Variants in TPTE observed in about 807,000 individuals in gnomAD.
TPTE encodes putative tyrosine-protein phosphatase TPTE.
A neutral mutation model predicts 84.1 loss-of-function variants in TPTE; 59 were observed. The ratio of observed to expected loss-of-function variants is 0.70; its 90% confidence interval spans 0.57 to 0.87. TPTE has a LOEUF of 0.87. Ranked by LOEUF, TPTE falls within the 40% of genes least tolerant of loss-of-function variation. The pLI, the probability that TPTE is intolerant of heterozygous loss-of-function variation, is 0.00. For synonymous variants in TPTE, 130 were observed against 223.5 expected (o/e 0.58, Z 3.73); for missense variants, 382 against 659.6 (o/e 0.58, Z 4.61).
chr21:10,558,500 G>C (rs1444248019), intron 8 of TPTE, among the ~76,000 whole-genome samples: 1 of 152,420 alleles, frequency 6.6e-6, no homozygotes, highest in African/African-American at 2.4e-5. Context: ...TCTCTAATCT[G>C]TGATATTGAG....
At chr21:10,546,317 T>G (rs7282060) in intron 7 of TPTE, among the ~76,000 whole-genome samples, 558 of 152,174 alleles carry the variant, frequency 3.7e-3, no homozygotes, top group African/African-American at 0.013. Flanking sequence ...ATGACATGTT[T>G]GTTGTGACTG....
At chr21:10,599,230 A>C (rs1383693327) in intron 21 of TPTE, among the ~76,000 whole-genome samples, 2 of 152,306 alleles carry the variant, frequency 1.3e-5, no homozygotes, top group Non-Finnish European at 2.9e-5. Context: ...ATCTCTGTTG[A>C]TTATGCCTTT....
intron 14 of TPTE, among the ~76,000 whole-genome samples, chr21:10,573,317 C>T (rs1454102157): frequency 6.6e-6 from 1 of 152,428 alleles, no homozygotes; most frequent in Non-Finnish European, 1.5e-5. Flanking sequence ...TATGTATGTA[C>T]CCTACACTAG....
chr21:10,541,059 CA>C (rs1445973704), intron 4 of TPTE, 52 bp from the exon 5 acceptor site: 1 of 1,609,516 alleles, frequency 6.2e-7, no homozygotes, highest in African/African-American at 1.3e-5. Context: ...CTATTTGTTG[CA>C]AAACATTAGA....
intron 10 of TPTE, among the ~76,000 whole-genome samples, chr21:10,566,643 G>A (rs11184130): frequency 0.014 from 2,195 of 151,472 alleles, no homozygotes; most frequent in Non-Finnish European, 0.02. Flanking sequence ...AGAAAATATA[G>A]TACATATACA....
chr21:10,545,674 T>C (rs1377269568), intron 7 of TPTE, among the ~76,000 whole-genome samples: 1 of 152,208 alleles, frequency 6.6e-6, no homozygotes, highest in Non-Finnish European at 1.5e-5. Flanking sequence ...TGTATATGTG[T>C]GTGTGTGTAT....
rs2074403850 is a variant in TPTE at position 10,543,273 on chromosome 21, C to T, written c.120-56C>T. 3 of 1,539,228 alleles carry T rather than the reference C, an allele frequency of 1.9e-6. No individual in the cohort carries two copies. In the Admixed American group the frequency reaches 5.3e-5, roughly 27 times the overall value. ...GGTCTCAATCTCCTGACCTCATGATCCACCCGCCTCGGCCTCCCAAAGTGC... is the reference window on the plus strand; with the variant it reads ...GGTCTCAATCTCCTGACCTCATGATTCACCCGCCTCGGCCTCCCAAAGTGC... On this transcript the variant is annotated intron_variant, in intron 6 of 23. Transcript: ENST00000618007.
At chr21:10,528,497 A>G (rs1217071783) in intron 3 of TPTE, among the ~76,000 whole-genome samples, 1 of 152,308 alleles carries the variant, frequency 6.6e-6, no homozygotes, top group South Asian at 2.1e-4. Context: ...TTGTTGTTCA[A>G]ATAAGTTGGT....
chr21:10,537,807 A>C (rs1347314380), intron 3 of TPTE, among the ~76,000 whole-genome samples: 1 of 152,310 alleles, frequency 6.6e-6, no homozygotes, highest in Non-Finnish European at 1.5e-5. Context: ...CAAGGCATGC[A>C]CCCACAGGTA....
chr21:10,567,580 T>A, intron 10 of TPTE, 90 bp from the exon 11 acceptor site: 1 of 1,560,648 alleles, frequency 6.4e-7, no homozygotes, highest in Non-Finnish European at 8.6e-7. Flanking sequence ...GAATTCTTAA[T>A]GGGGATGAGT....
intron 8 of TPTE, among the ~76,000 whole-genome samples, chr21:10,557,174 G>A (rs1444046866): frequency 1.3e-5 from 2 of 152,306 alleles, no homozygotes; most frequent in Admixed American, 6.5e-5. Flanking sequence ...TTTAGGAAAG[G>A]TACATGGAGG....
chr21:10,565,203 A>G (rs1310709829), intron 10 of TPTE, among the ~76,000 whole-genome samples: 2 of 152,306 alleles, frequency 1.3e-5, no homozygotes, highest in African/African-American at 2.4e-5. Context: ...GCATTTCTAT[A>G]TGTCAACAGT....
chr21:10,598,267 A>G (rs1441681667), intron 21 of TPTE, among the ~76,000 whole-genome samples, 173 bp downstream of exon 21: 1 of 152,308 alleles, frequency 6.6e-6, no homozygotes, highest in Non-Finnish European at 1.5e-5. Context: ...GAGATAAATT[A>G]ACCTGTTTGT....
Position 10,529,730 on chromosome 21 carries a change from G to T in TPTE, c.-44+2318G>T, listed in dbSNP as rs548844790. ...TTGAGAGGTATTGCCAGATTTATTCGCTGACAAGTAAATATTATTCAGTTT... is the reference window on the plus strand; with the variant it reads ...TTGAGAGGTATTGCCAGATTTATTCTCTGACAAGTAAATATTATTCAGTTT... On this transcript the variant is annotated intron_variant, in intron 3 of 23. Coordinates refer to ENST00000618007, the MANE Select transcript of TPTE (RefSeq NM_199261.4). Among the ~76,000 whole-genome samples, 5 of 152,426 alleles carry T rather than the reference G, an allele frequency of 3.3e-5. No homozygotes were observed. The East Asian group carries it at 5.8e-4, about 18-fold the overall frequency.
chr21:10,570,408 C>G (rs1568982297), intron 13 of TPTE, 77 bp from the exon 14 acceptor site: 6 of 1,607,488 alleles, frequency 3.7e-6, no homozygotes, highest in Non-Finnish European at 5.1e-6. Flanking sequence ...GGAATCTGAT[C>G]ATGTATAAAT....
intron 8 of TPTE, 138 bp downstream of exon 8, chr21:10,552,854 CGT>C (rs2074604924): frequency 1.4e-6 from 2 of 1,408,068 alleles, no homozygotes; most frequent in South Asian, 2.8e-5. Flanking sequence ...GAGTGTACAC[CGT>C]ATTTACTCCA....
At chr21:10,527,157 T>TCTCACATACACA (rs1555885306) in intron 2 of TPTE, among the ~76,000 whole-genome samples, 198 bp from the exon 3 acceptor site, 1 of 150,398 alleles carries the variant, frequency 6.6e-6, no homozygotes, top group South Asian at 2.1e-4. Context: ...TCTCTCTCTC[T>TCTCACATACACA]CACACACACA....
At position 10,538,685 on chromosome 21, in the gene TPTE, C is replaced by G. The variant is rs746011909; in HGVS notation, c.-39C>G. 1.4e-5 allele frequency: 22 copies of G among 1,614,058 alleles called. No homozygotes were observed. The highest frequency in any genetic ancestry group is 1.7e-5 in the Non-Finnish European group (20 of 1,179,870). ...TATTCTTTTGACATCCTCTAGTCCA[C>G]CCACAAATGAATTATCAGGAGTGAA... is the stretch of plus-strand genomic sequence containing the variant. On this transcript the variant is annotated 5_prime_UTR_variant, in exon 4 of 24. Transcript: ENST00000618007.
chr21:10,523,838 G>T (rs529720909), intron 1 of TPTE, among the ~76,000 whole-genome samples: 1,354 of 151,854 alleles, frequency 8.9e-3, no homozygotes, highest in Non-Finnish European at 0.015. Flanking sequence ...GGGTCAAATG[G>T]TATTTCTAGT....
Sources: allele counts gnomAD v4.1 joint callset (sites outside exome capture counted in the v4.1 genomes callset), GRCh38; gene constraint gnomAD v4.1.1; transcripts MANE v1.5; gene names NCBI Gene and HGNC (gene_info 2026-07-23, HGNC 2026-07-21).